The following ANKRD18A variants were observed in gnomAD, a reference collection of about 807,000 sequenced individuals.
ANKRD18A encodes the protein ankyrin repeat domain-containing protein 18A.
A neutral mutation model predicts 110.6 loss-of-function variants in ANKRD18A; 72 were observed. That is an observed-to-expected ratio of 0.65 (90% CI 0.54 to 0.79). The LOEUF is 0.79. Among genes scored for constraint, ANKRD18A ranks in the 30% least tolerant of loss-of-function variants. The pLI is 0.00. For synonymous variants in ANKRD18A, 305 were observed against 410.3 expected, an observed-to-expected ratio of 0.74 and a Z score of 3.10; for missense variants, 934 against 1,163.3, an observed-to-expected ratio of 0.80 and a Z score of 2.87.
intron 9 of ANKRD18A, 34 bp downstream of exon 9, chr9:38,595,452 C>A: frequency 7.1e-7 from 1 of 1,415,138 alleles, no homozygotes; most frequent in Non-Finnish European, 9.3e-7. Context: ...TTTAAATTTT[C>A]TTTCCAGAAG....
chr9:38,585,417 C>T (rs544969715), intron 12 of ANKRD18A, among the ~76,000 whole-genome samples: 1 of 152,244 alleles, frequency 6.6e-6, no homozygotes, highest in East Asian at 1.9e-4. Flanking sequence ...CAATGTATGT[C>T]TTCCTCATAT....
chr9:38,579,624 G>A (rs1297358850), intron 12 of ANKRD18A, among the ~76,000 whole-genome samples: 2 of 152,120 alleles, frequency 1.3e-5, no homozygotes, highest in Admixed American at 1.3e-4. Flanking sequence ...AACCTACAAT[G>A]TGATATAATC....
At chr9:38,610,480 C>T (rs1825565588) in intron 4 of ANKRD18A, 70 bp from the exon 5 acceptor site, 7 of 1,483,888 alleles carry the variant, frequency 4.7e-6, no homozygotes, top group Non-Finnish European at 6.3e-6. Flanking sequence ...ATTGGATACA[C>T]TTTACCAATT....
At chr9:38,608,817 C>A (rs868604605) in intron 5 of ANKRD18A, among the ~76,000 whole-genome samples, 2 of 151,206 alleles carry the variant, frequency 1.3e-5, no homozygotes, top group African/African-American at 4.9e-5. Context: ...GGGGCCAACT[C>A]CAAGTTGGTC....
chr9:38,613,820 C>T (rs935179115), intron 3 of ANKRD18A, among the ~76,000 whole-genome samples: 8 of 152,132 alleles, frequency 5.3e-5, no homozygotes, highest in African/African-American at 1.9e-4. Flanking sequence ...GAGAAAATCT[C>T]ACTTGTAATG....
chr9:38,608,607 A>G (rs143672669), intron 5 of ANKRD18A, among the ~76,000 whole-genome samples: 1 of 146,694 alleles, frequency 6.8e-6, no homozygotes, highest in East Asian at 2.0e-4. Context: ...ATATAGCTAT[A>G]TATATTTATA....
Position 38,603,199 on chromosome 9 carries a change from C to T in ANKRD18A, c.822G>A (p.Met274Ile). The T allele has an allele frequency of 6.4e-7, 1 of 1,551,096 alleles. No homozygotes were observed. The highest frequency in any genetic ancestry group is 1.2e-5 in the South Asian group (1 of 84,044). ...TTCTTTTTTTCAAATTTGCAGGCTT[C>T]ATAGCTGCTGTTTCTGTCAAACATG... ...LRNDNQETAA[M>I]KPANLKKRKE... Residue 274 changes from methionine to isoleucine, a missense_variant, in exon 7 of 16, where the codon ATG becomes ATA. By Grantham distance (10) the Met-to-Ile change is conservative. Transcript: ENST00000399703.
intron 12 of ANKRD18A, among the ~76,000 whole-genome samples, chr9:38,581,330 C>T (rs1366977153): frequency 1.3e-5 from 2 of 152,112 alleles, no homozygotes; most frequent in East Asian, 3.9e-4. Flanking sequence ...CCTAAAACCC[C>T]CTTCAATTAT....
In ANKRD18A at chr9:38,595,927, C is replaced by G; in HGVS notation, c.1413G>C (p.Leu471Phe). 2 of 1,551,120 alleles carry G rather than the reference C, an allele frequency of 1.3e-6. No individual in the cohort carries two copies. The highest frequency in any genetic ancestry group is 1.7e-6 in the Non-Finnish European group (2 of 1,146,644). Reference sequence around the variant, plus strand: ...GAGCTTTATGGACCTGTTCAGTAAGCAACTCATTCTTATCTGTTAGTTGAG... The same window carrying G: ...GAGCTTTATGGACCTGTTCAGTAAGGAACTCATTCTTATCTGTTAGTTGAG... ...NISQLTDKNE[L>F]LTEQVHKARV... Residue 471 changes from leucine to phenylalanine, a missense_variant, in exon 9 of 16, where the codon TTG becomes TTC. This residue lies in a region of ANKRD18A where 630 missense variants were observed against 797.5 expected (regional missense o/e 0.79). Transcript: ENST00000399703.
In ANKRD18A at chr9:38,571,401, A is replaced by T; in HGVS notation, c.*644T>A. ...TATTGGTTTTATTTCTCCATGTAGA[A>T]CAAAGAAGAAAATAAGAAAAACAAT... On this transcript the variant is annotated 3_prime_UTR_variant, in exon 16 of 16. Coordinates refer to ENST00000399703, the MANE Select transcript of ANKRD18A (RefSeq NM_147195.4). The T allele has an allele frequency of 1.5e-6, 1 of 662,186 alleles. No homozygotes were observed. The highest frequency in any genetic ancestry group is 2.2e-6 in the Non-Finnish European group (1 of 464,660). 41.0% of individuals were successfully genotyped at this position (662,186 alleles called of 1,614,324 possible). A position where few individuals can be genotyped will look rare whatever the true frequency, so the allele number is the denominator to read the frequency against.
intron 12 of ANKRD18A, among the ~76,000 whole-genome samples, chr9:38,583,243 G>A (rs1017307465): frequency 2.0e-5 from 3 of 152,154 alleles, no homozygotes; most frequent in African/African-American, 7.2e-5. Context: ...CAGCCACTTT[G>A]GAAAACAAAC....
At chr9:38,573,900 T>C (rs1396290335) in intron 15 of ANKRD18A, among the ~76,000 whole-genome samples, 1 of 149,842 alleles carries the variant, frequency 6.7e-6, no homozygotes, top group African/African-American at 2.4e-5. Context: ...TAAAGTTTTC[T>C]TTTTTTTTTC....
chr9:38,569,401 C>T, downstream of ANKRD18A: 2 of 985,358 alleles, frequency 2.0e-6, no homozygotes, highest in Non-Finnish European at 2.4e-6. Flanking sequence ...TCCCACTCAC[C>T]TGAGTCCGAT....
chr9:38,609,315 T>C (rs915679764), intron 5 of ANKRD18A, among the ~76,000 whole-genome samples: 3 of 151,838 alleles, frequency 2.0e-5, no homozygotes, highest in Admixed American at 2.0e-4. Context: ...CCGTCACCAC[T>C]AAAAATACAA....
chr9:38,615,380 C>T (rs1825806093), intron 3 of ANKRD18A, among the ~76,000 whole-genome samples: 1 of 152,092 alleles, frequency 6.6e-6, no homozygotes, highest in Non-Finnish European at 1.5e-5. Flanking sequence ...GAAGTTTTAC[C>T]TTAACAAATT....
intron 12 of ANKRD18A, among the ~76,000 whole-genome samples, chr9:38,583,910 AG>A (rs1824264958): frequency 1.3e-5 from 2 of 152,266 alleles, no homozygotes; most frequent in Non-Finnish European, 1.5e-5. Context: ...TGTCTACACC[AG>A]ATAAAACGTC....
In ANKRD18A at chr9:38,572,037, G is replaced by A; in HGVS notation, c.*8C>T. The stretch of plus-strand genomic sequence containing the variant: ...ATTCTACAAAAGAAAGTAGACGGGA[G>A]CAAGTGCTCAACATAGCAAAACCTG... On this transcript the variant is annotated 3_prime_UTR_variant, in exon 16 of 16. Coordinates refer to ENST00000399703, the MANE Select transcript of ANKRD18A (RefSeq NM_147195.4). The A allele has an allele frequency of 6.3e-7, 1 of 1,591,360 alleles. No individual in the cohort carries two copies. The highest frequency in any genetic ancestry group is 1.9e-5 in the Admixed American group (1 of 53,876).
At position 38,588,093 on chromosome 9, in the gene ANKRD18A, A is replaced by G. The variant is rs553580564; in HGVS notation, c.2117+458T>C. On this transcript the variant is annotated intron_variant, in intron 11 of 15. Transcript: ENST00000399703. Reference sequence around the variant, plus strand: ...ACAGAGCCAGACTCTGTCTCAAAAGATAAATAAATAAATAAATAAAAATAG... The same window carrying G: ...ACAGAGCCAGACTCTGTCTCAAAAGGTAAATAAATAAATAAATAAAAATAG... Among the ~76,000 whole-genome samples, 5 of 152,236 alleles carry G rather than the reference A, an allele frequency of 3.3e-5. No homozygotes were observed. In the South Asian group the frequency reaches 1.0e-3, roughly 32 times the overall value.
At chr9:38,609,354 G>A (rs534759635) in intron 5 of ANKRD18A, among the ~76,000 whole-genome samples, 7 of 152,126 alleles carry the variant, frequency 4.6e-5, no homozygotes, top group Admixed American at 2.0e-4. Flanking sequence ...GGTGGCGGGC[G>A]CCTGTAGTCC....
Sources: gnomAD v4.1 joint callset for allele counts (sites outside exome capture counted in the v4.1 genomes callset) on GRCh38, gnomAD v4.1.1 for gene constraint, gnomAD v4.1.1 regional missense constraint, MANE v1.5 for transcripts, NCBI Gene and HGNC (gene_info 2026-07-23, HGNC 2026-07-21) for gene names.